UBR1: variants seen among roughly 807,000 people sequenced by gnomAD.
The protein encoded by UBR1 is E3 ubiquitin-protein ligase UBR1.
A neutral mutation model predicts 242.1 loss-of-function variants in UBR1; 102 were observed. The observed-to-expected ratio is 0.42, with a 90% confidence interval of 0.36 to 0.50. The LOEUF (loss-of-function observed/expected upper bound fraction) is 0.50, where lower values mean the gene tolerates loss of function less well. UBR1 is among the 20% of genes least tolerant of loss of function. The pLI, the probability that UBR1 is intolerant of heterozygous loss-of-function variation, is 0.01. For synonymous variants in UBR1, 675 were observed against 684.8 expected (o/e 0.99, Z 0.22); for missense variants, 1,772 against 2,101.8 (o/e 0.84, Z 3.07).
At chr15:43,086,311 T>C (rs1293282489) in intron 1 of UBR1, 71 bp from the exon 2 acceptor site, 1 of 1,547,552 alleles carries the variant, frequency 6.5e-7, no homozygotes, top group Admixed American at 1.8e-5. Context: ...GCACAAATAA[T>C]GACATAATTC....
intron 36 of UBR1, 91 bp downstream of exon 36, chr15:42,984,796 A>T: frequency 1.7e-6 from 2 of 1,184,290 alleles, no homozygotes; most frequent in Non-Finnish European, 2.5e-6. Flanking sequence ...TTTACAGAAA[A>T]TGAGTAAAGA....
At chr15:43,072,476 A>G (rs1001814900) in intron 4 of UBR1, among the ~76,000 whole-genome samples, 1 of 152,188 alleles carries the variant, frequency 6.6e-6, no homozygotes, top group Admixed American at 6.5e-5. Flanking sequence ...CTGCAAACAG[A>G]GCTAGTTTTA....
At chr15:43,058,702 T>C (rs1021784300) in intron 9 of UBR1, among the ~76,000 whole-genome samples, 4 of 152,244 alleles carry the variant, frequency 2.6e-5, no homozygotes, top group African/African-American at 9.6e-5. Context: ...TATTTCACTG[T>C]ACTTTTCCTT....
At chr15:43,004,656 C>T (rs1439116389) in intron 30 of UBR1, among the ~76,000 whole-genome samples, 2 of 152,390 alleles carry the variant, frequency 1.3e-5, no homozygotes, top group East Asian at 3.9e-4. Flanking sequence ...GCCGGGATTG[C>T]AGACGGAGTC....
At chr15:42,973,919 C>T (rs34436896) in intron 39 of UBR1, among the ~76,000 whole-genome samples, 6,920 of 131,102 alleles carry the variant, frequency 0.053, 575 homozygotes, top group African/African-American at 0.18. Context: ...GATGGAGTCT[C>T]GCACTCTCTC....
intron 32 of UBR1, among the ~76,000 whole-genome samples, chr15:43,002,041 A>C (rs1162124427): frequency 6.6e-6 from 1 of 152,196 alleles, no homozygotes; most frequent in African/African-American, 2.4e-5. Flanking sequence ...ATATAACCAC[A>C]ATGTAAAGAT....
chr15:43,059,605 G>C, intron 8 of UBR1, 97 bp downstream of exon 8: 8 of 843,552 alleles, frequency 9.5e-6, no homozygotes, highest in Non-Finnish European at 1.1e-5. Flanking sequence ...AAAAAAAAAA[G>C]AAAAACTTTA....
At chr15:43,036,346 AC>A (rs929852256) in intron 18 of UBR1, 67 bp from the exon 19 acceptor site, 4 of 1,456,438 alleles carry the variant, frequency 2.7e-6, no homozygotes, top group Non-Finnish European at 3.9e-6. Context: ...CTCATGTAGG[AC>A]TGTCAAAAAT....
chr15:43,078,686 GGCCA>G (rs1177709510), intron 3 of UBR1, among the ~76,000 whole-genome samples: 8 of 152,088 alleles, frequency 5.3e-5, no homozygotes, highest in Non-Finnish European at 1.2e-4. Flanking sequence ...TAGAAAAACT[GGCCA>G]GGCACAGTGG....
chr15:43,020,884 T>C (rs1321987803), intron 27 of UBR1, among the ~76,000 whole-genome samples: 1 of 152,228 alleles, frequency 6.6e-6, no homozygotes, highest in African/African-American at 2.4e-5. Context: ...CCTTCCCTAA[T>C]TACCCAAAGT....
chr15:43,081,000 A>G (rs987524080), intron 3 of UBR1, among the ~76,000 whole-genome samples: 4 of 152,206 alleles, frequency 2.6e-5, no homozygotes, highest in African/African-American at 4.8e-5. Flanking sequence ...ATAAGTTTTC[A>G]ATTCATTTGT....
rs149434363 is a variant in UBR1, at chr15:42,959,418, T to G, written c.4757+1227A>C. Reference sequence around the variant, plus strand: ...GATCTCTAAGACTAACCTTGCCTCATTAACAATCTTTTCCTCTTTAAATTT... The same window carrying G: ...GATCTCTAAGACTAACCTTGCCTCAGTAACAATCTTTTCCTCTTTAAATTT... On this transcript the variant is annotated intron_variant, in intron 43 of 46. Transcript: ENST00000290650. 3.5e-3 allele frequency among the ~76,000 whole-genome samples: 526 copies of G among 152,306 alleles called. 2 individuals carry two copies. The highest frequency in any genetic ancestry group is 0.012 in the African/African-American group (501 of 41,570).
chr15:43,063,096 C>T (rs1470494787), intron 6 of UBR1, among the ~76,000 whole-genome samples: 1 of 152,136 alleles, frequency 6.6e-6, no homozygotes, highest in Non-Finnish European at 1.5e-5. Context: ...TCCTATTTTA[C>T]CTTTTGAATA....
chr15:43,077,340 C>G (rs2141352958), intron 3 of UBR1, among the ~76,000 whole-genome samples: 1 of 152,092 alleles, frequency 6.6e-6, no homozygotes, highest in South Asian at 2.1e-4. Flanking sequence ...TCCTGTTGAT[C>G]TGTGACCTTA....
chr15:43,029,125 G>GCACA (rs144923922), intron 21 of UBR1, among the ~76,000 whole-genome samples: 3 of 150,956 alleles, frequency 2.0e-5, no homozygotes, highest in African/African-American at 7.3e-5. Flanking sequence ...ACACACACAC[G>GCACA]CACACACACA....
At chr15:43,069,057 A>G (rs776545702) in intron 5 of UBR1, among the ~76,000 whole-genome samples, 11 of 152,180 alleles carry the variant, frequency 7.2e-5, no homozygotes, top group Non-Finnish European at 1.0e-4. Context: ...ACTGGTATTA[A>G]TGTACATTTA....
At chr15:43,022,521 T>C (rs988859465) in intron 26 of UBR1, among the ~76,000 whole-genome samples, 181 bp downstream of exon 26, 2 of 151,806 alleles carry the variant, frequency 1.3e-5, no homozygotes, top group African/African-American at 4.8e-5. Context: ...ATTAGTATAC[T>C]TGAAAATATT....
Position 42,943,024 on chromosome 15 carries a change from TG to T in UBR1, c.*2304del. Reference sequence around the variant, plus strand: ...ATTATTTGTATAACTTCATCATGGATGGAATTTGAATCAGTGGTATAAACAT... The same window carrying T: ...ATTATTTGTATAACTTCATCATGGATGAATTTGAATCAGTGGTATAAACAT... On this transcript the variant is annotated 3_prime_UTR_variant, in exon 47 of 47. Transcript: ENST00000290650. 1 of 152,772 alleles carries T rather than the reference TG, an allele frequency of 6.5e-6. No individual in the cohort carries two copies. The highest frequency in any genetic ancestry group is 1.5e-5 in the Non-Finnish European group (1 of 68,020). The allele number at this position is 152,772 out of a possible 1,614,324, so 9.5% of individuals were successfully genotyped here.
intron 1 of UBR1, among the ~76,000 whole-genome samples, chr15:43,091,568 C>T (rs2034105429): frequency 6.6e-6 from 1 of 152,116 alleles, no homozygotes; most frequent in East Asian, 1.9e-4. Context: ...CTAACAACTA[C>T]CGAACACTAC....
Sources: allele counts gnomAD v4.1 joint callset (sites outside exome capture counted in the v4.1 genomes callset), GRCh38; gene constraint gnomAD v4.1.1; transcripts MANE v1.5; gene names NCBI Gene and HGNC (gene_info 2026-07-23, HGNC 2026-07-21).